Variants in SV2C observed in about 807,000 individuals in gnomAD.
The protein encoded by SV2C is solute carrier family 22 member B3.
A neutral mutation model predicts 79.7 loss-of-function variants in SV2C; 49 were observed. That is an observed-to-expected ratio of 0.61 (90% CI 0.49 to 0.78). The LOEUF is 0.78. Ranked by LOEUF, SV2C falls within the 30% of genes least tolerant of loss-of-function variation. SV2C has a pLI of 0.00. For synonymous variants in SV2C, 334 were observed against 333.2 expected (o/e 1.00, Z -0.03); for missense variants, 833 against 912.9 (o/e 0.91, Z 1.13).
the SV2C span, among the ~76,000 whole-genome samples, chr5:75,879,074 C>T: frequency 0.12 from 18,943 of 152,086 alleles, 1,393 homozygotes; most frequent in African/African-American, 0.22. Flanking sequence ...GTTCTGTCAT[C>T]GCCAAGGGTA....
chr5:75,978,180 T>TG, the SV2C span, among the ~76,000 whole-genome samples: 1 of 152,212 alleles, frequency 6.6e-6, no homozygotes, highest in Non-Finnish European at 1.5e-5. Context: ...TTATTCCATC[T>TG]ATCAACAGCT....
intron 2 of SV2C, among the ~76,000 whole-genome samples, chr5:76,145,109 C>G (rs972518492): frequency 6.6e-6 from 1 of 152,186 alleles, no homozygotes; most frequent in Admixed American, 6.5e-5. Flanking sequence ...CATAGCTGCC[C>G]TCTCCAGGAG....
chr5:75,893,892 A>C, the SV2C span, among the ~76,000 whole-genome samples: 1 of 152,086 alleles, frequency 6.6e-6, no homozygotes, highest in Non-Finnish European at 1.5e-5. Context: ...ACACGTCACC[A>C]AGGAGCCAGG....
chr5:75,903,204 A>AT, the SV2C span, among the ~76,000 whole-genome samples: 1 of 152,170 alleles, frequency 6.6e-6, no homozygotes, highest in African/African-American at 2.4e-5. Flanking sequence ...GAATAAGAGC[A>AT]TAGAATGTCA....
chr5:76,275,464 G>T (rs1746996862), intron 4 of SV2C, among the ~76,000 whole-genome samples: 1 of 149,996 alleles, frequency 6.7e-6, no homozygotes, highest in Non-Finnish European at 1.5e-5. Context: ...TCCAGCCTGG[G>T]CAACAGAGCG....
intron 2 of SV2C, among the ~76,000 whole-genome samples, chr5:76,182,276 C>T (rs1184799990): frequency 6.6e-6 from 1 of 152,076 alleles, no homozygotes; most frequent in Non-Finnish European, 1.5e-5. Context: ...CCCCCCAGAC[C>T]TACCCGCCTC....
chr5:76,119,343 A>G (rs1748400265), intron 1 of SV2C, among the ~76,000 whole-genome samples: 1 of 152,174 alleles, frequency 6.6e-6, no homozygotes, highest in Admixed American at 6.5e-5. Context: ...GTACTGTTGG[A>G]TAACAAATGA....
At chr5:75,854,153 T>C in the SV2C span, among the ~76,000 whole-genome samples, 1 of 152,204 alleles carries the variant, frequency 6.6e-6, no homozygotes, top group Non-Finnish European at 1.5e-5. Context: ...TTCTGAGTTC[T>C]TTCATTCAGC....
chr5:76,300,696 C>T, intron 10 of SV2C, 33 bp from the exon 11 acceptor site: 1 of 1,602,078 alleles, frequency 6.2e-7, no homozygotes, highest in Non-Finnish European at 8.5e-7. Context: ...CTGGTAAGAG[C>T]TTGATGAATT....
chr5:75,915,389 A>G, the SV2C span, among the ~76,000 whole-genome samples: 2 of 152,344 alleles, frequency 1.3e-5, no homozygotes, highest in African/African-American at 4.8e-5. Flanking sequence ...ACAATGAAGT[A>G]AGTAGGATTC....
At chr5:76,082,696 G>A (rs186687360), upstream of SV2C, among the ~76,000 whole-genome samples, 428 of 144,888 alleles carry the variant, frequency 3.0e-3, 5 homozygotes, top group African/African-American at 8.6e-3. Context: ...ATCTGCCTGT[G>A]AGCCCAGCTG....
chr5:76,000,188 A>C, the SV2C span, among the ~76,000 whole-genome samples: 1 of 152,172 alleles, frequency 6.6e-6, no homozygotes, highest in Non-Finnish European at 1.5e-5. Context: ...TAATTTAGGC[A>C]TCTTTCATGA....
the SV2C span, among the ~76,000 whole-genome samples, chr5:75,947,612 G>C: frequency 2.0e-5 from 3 of 151,906 alleles, no homozygotes; most frequent in African/African-American, 4.8e-5. Context: ...GAAGTTGAGG[G>C]GTATCCTAAT....
chr5:76,319,013 G>C (rs1482306886), intron 12 of SV2C, among the ~76,000 whole-genome samples: 1 of 152,192 alleles, frequency 6.6e-6, no homozygotes, highest in Non-Finnish European at 1.5e-5. Context: ...TAAGAACAGA[G>C]AGTAAATGAA....
the SV2C span, among the ~76,000 whole-genome samples, chr5:75,994,913 G>C: frequency 6.6e-6 from 1 of 152,154 alleles, no homozygotes; most frequent in Non-Finnish European, 1.5e-5. Flanking sequence ...CAAGGCCAAC[G>C]GCCTGAGAGC....
At chr5:76,206,585 G>C (rs4704296) in intron 3 of SV2C, among the ~76,000 whole-genome samples, 96,051 of 152,088 alleles carry the variant, frequency 0.63, 31,176 homozygotes, top group East Asian at 0.92. Context: ...TTTAAATCAT[G>C]AGAACAGATT....
the SV2C span, among the ~76,000 whole-genome samples, chr5:75,970,308 A>G: frequency 3.3e-5 from 5 of 152,138 alleles, no homozygotes; most frequent in Non-Finnish European, 7.3e-5. Flanking sequence ...GCAGAAGGCA[A>G]GAAATAACTA....
chr5:76,250,943 AC>A (rs1746095573), intron 4 of SV2C, among the ~76,000 whole-genome samples: 1 of 152,040 alleles, frequency 6.6e-6, no homozygotes, highest in African/African-American at 2.4e-5. Context: ...CTCTTAAGTT[AC>A]TTACGATCTG....
chr5:75,963,033 T>TA, the SV2C span, among the ~76,000 whole-genome samples: 71 of 147,518 alleles, frequency 4.8e-4, no homozygotes, highest in South Asian at 5.1e-3. Flanking sequence ...TGACTTACAA[T>TA]AAAAAAAAAA....
Sources: allele counts gnomAD v4.1 joint callset (sites outside exome capture counted in the v4.1 genomes callset), GRCh38; gene constraint gnomAD v4.1.1; transcripts MANE v1.5; gene names NCBI Gene and HGNC (gene_info 2026-07-23, HGNC 2026-07-21).